Variants in LEMD3 observed in about 807,000 individuals in gnomAD.
LEMD3 encodes inner nuclear membrane protein Man1.
LEMD3 carries 33 observed loss-of-function variants against 95.2 expected under a neutral mutation model. The ratio of observed to expected loss-of-function variants is 0.35; its 90% CI spans 0.26 to 0.46. The LOEUF (loss-of-function observed/expected upper bound fraction) is 0.46, where lower values mean the gene tolerates loss of function less well. Ranked by LOEUF, LEMD3 falls within the 20% of genes least tolerant of loss-of-function variation. The probability of loss-of-function intolerance (pLI) is 1.00; values close to 1 mark genes in which losing one functional copy is unlikely to be tolerated. For synonymous variants in LEMD3, 525 were observed against 474.6 expected (o/e 1.11, Z -1.38); for missense variants, 1,210 against 1,192.8 (o/e 1.01, Z -0.21).
Position 65,245,835 on chromosome 12 carries a change from ATTTT to A in LEMD3, c.2494-25_2494-22del, listed in dbSNP as rs3217456. 0.3 allele frequency: 473,967 copies of A among 1,602,488 alleles called. 74,064 individuals carry two copies. The highest frequency in any genetic ancestry group is 0.38 in the Admixed American group (22,540 of 59,944). ...GATTTGTTGCTATTAAACTAAGACT[ATTTT>A]CTTTCTTTTTTAATATCACAGGGTT... is the stretch of plus-strand genomic sequence containing the variant. On this transcript the variant is annotated intron_variant, in intron 11 of 12. Transcript: ENST00000308330.
At chr12:65,186,953 T>C (rs1869086508) in intron 1 of LEMD3, among the ~76,000 whole-genome samples, 1 of 152,038 alleles carries the variant, frequency 6.6e-6, no homozygotes, top group South Asian at 2.1e-4. Flanking sequence ...TATAAATAAG[T>C]TACTTATGCT....
At chr12:65,217,637 T>C (rs1870149417) in intron 3 of LEMD3, among the ~76,000 whole-genome samples, 1 of 152,184 alleles carries the variant, frequency 6.6e-6, no homozygotes. Flanking sequence ...ATGAGGATAA[T>C]TTATTTCTAA....
At chr12:65,189,704 A>C (rs1869178722) in intron 1 of LEMD3, among the ~76,000 whole-genome samples, 1 of 152,220 alleles carries the variant, frequency 6.6e-6, no homozygotes, top group African/African-American at 2.4e-5. Context: ...ATTTGTTTGC[A>C]AAATAGGTCT....
At chr12:65,220,949 C>T (rs2136342529) in intron 4 of LEMD3, among the ~76,000 whole-genome samples, 1 of 152,224 alleles carries the variant, frequency 6.6e-6, no homozygotes, top group East Asian at 1.9e-4. Context: ...TATGCTAGTA[C>T]TATACTGTTT....
intron 4 of LEMD3, among the ~76,000 whole-genome samples, chr12:65,221,665 A>G (rs922528935): frequency 6.6e-5 from 10 of 151,000 alleles, no homozygotes; most frequent in Non-Finnish European, 1.5e-5. Flanking sequence ...TAGGATGTCT[A>G]GTGCTATGAG....
rs764652307 is a variant in LEMD3 at position 65,241,026 on chromosome 12, C to T, written c.2244C>T (p.Ile748=). 1.9e-6 allele frequency: 3 copies of T among 1,613,930 alleles called. No homozygotes were observed. The highest frequency in any genetic ancestry group is 2.5e-6 in the Non-Finnish European group (3 of 1,179,876). ...CAGATTTTCTGGTTTGGCGGTGGAT[C>T]CAGCCTTCTGCATCCTGTGACAAAA... ...GGADFLVWRW[I]QPSASCDKIL... Residue 748 remains isoleucine (I), a synonymous_variant, in exon 9 of 13, where the codon ATC becomes ATT. Coordinates refer to ENST00000308330, the MANE Select transcript of LEMD3 (RefSeq NM_014319.5).
At chr12:65,185,828 CTA>C (rs780525093) in intron 1 of LEMD3, among the ~76,000 whole-genome samples, 86 of 152,012 alleles carry the variant, frequency 5.7e-4, no homozygotes, top group Admixed American at 2.2e-3. Context: ...AACTCAGATT[CTA>C]TTAATATCTT....
intron 10 of LEMD3, 43 bp from the exon 11 acceptor site, chr12:65,245,626 A>G: frequency 7.5e-7 from 1 of 1,339,940 alleles, no homozygotes; most frequent in Non-Finnish European, 1.1e-6. Flanking sequence ...ATTTTTACCG[A>G]GTAGGAATAT....
At chr12:65,210,482 A>G (rs1431035414) in intron 1 of LEMD3, among the ~76,000 whole-genome samples, 3 of 152,184 alleles carry the variant, frequency 2.0e-5, no homozygotes, top group Non-Finnish European at 4.4e-5. Context: ...TATTGAGTAC[A>G]TATTAAGTGC....
chr12:65,195,802 C>T (rs996786846), intron 1 of LEMD3, among the ~76,000 whole-genome samples: 13 of 152,148 alleles, frequency 8.5e-5, no homozygotes, highest in Non-Finnish European at 1.3e-4. Context: ...CCTTCTCTCT[C>T]TGGTGCAGAG....
Position 65,170,215 on chromosome 12 carries a change from C to A in LEMD3, c.619C>A (p.Leu207Met). Residue 207 changes from leucine to methionine, a missense_variant, in exon 1 of 13, where the codon CTG becomes ATG. Leu to Met is a conservative substitution (Grantham distance 15). Coordinates refer to ENST00000308330, the MANE Select transcript of LEMD3 (RefSeq NM_014319.5). Reference sequence around the variant, plus strand: ...GGCCAGGAGGCCGGCGGGCCCCGAGCTGCAGACCCCGCCGGGGAAAGATGG... The same window carrying A: ...GGCCAGGAGGCCGGCGGGCCCCGAGATGCAGACCCCGCCGGGGAAAGATGG... ...WGARRPAGPE[L>M]QTPPGKDGAV... The A allele has an allele frequency of 6.6e-7, 1 of 1,504,486 alleles. No individual in the cohort carries two copies. The highest frequency in any genetic ancestry group is 1.3e-5 in the South Asian group (1 of 75,972). The allele number at this position is 1,504,486 out of a possible 1,614,324, so 93.2% of individuals were successfully genotyped here.
chr12:65,210,098 A>T (rs1869891812), intron 1 of LEMD3, among the ~76,000 whole-genome samples: 1 of 147,718 alleles, frequency 6.8e-6, no homozygotes, highest in Non-Finnish European at 1.5e-5. Context: ...ATTCAGCCGT[A>T]AACATTTTTG....
rs998769560 is a variant in LEMD3 at position 65,184,505 on chromosome 12, G to A, written c.1522+13387G>A. Among the ~76,000 whole-genome samples, 21 of 152,138 alleles carry A rather than the reference G, an allele frequency of 1.4e-4. 1 individual carries two copies. Among genetic ancestry groups the A allele is most frequent in the Admixed American group, 1.2e-3 (19 of 15,266 alleles). ...AAAGTAAGTTTATTTTTGGCTTTTAGTGTTTTCTCTTATACTTTTTCATCT... is the reference window on the plus strand; with the variant it reads ...AAAGTAAGTTTATTTTTGGCTTTTAATGTTTTCTCTTATACTTTTTCATCT... On this transcript the variant is annotated intron_variant, in intron 1 of 12. Coordinates refer to ENST00000308330, the MANE Select transcript of LEMD3 (RefSeq NM_014319.5).
At chr12:65,222,421 C>CA (rs1210199968) in intron 4 of LEMD3, among the ~76,000 whole-genome samples, 1 of 152,064 alleles carries the variant, frequency 6.6e-6, no homozygotes, top group African/African-American at 2.4e-5. Context: ...TCTTTGGTGT[C>CA]AGAGTAATGC....
chr12:65,184,542 G>A (rs567718980), intron 1 of LEMD3, among the ~76,000 whole-genome samples: 1 of 152,168 alleles, frequency 6.6e-6, no homozygotes, highest in East Asian at 1.9e-4. Flanking sequence ...TTTAATTTCT[G>A]TTTTCCAACT....
rs116271335 is a variant in LEMD3, at chr12:65,218,857, C to T, written c.1695+238C>T. Among the ~76,000 whole-genome samples, 614 of 146,872 alleles carry T rather than the reference C, an allele frequency of 4.2e-3. 6 individuals carry two copies. Among genetic ancestry groups the T allele is most frequent in the African/African-American group, 0.015 (589 of 39,564 alleles). On this transcript the variant is annotated intron_variant, in intron 4 of 12. Coordinates refer to ENST00000308330, the MANE Select transcript of LEMD3 (RefSeq NM_014319.5). ...CAGGCTGGAGTGCAATGGCTGATCT[C>T]GACTCACTGCAACGTTCGCAACCGG...
At chr12:65,185,485 T>C (rs1178965041) in intron 1 of LEMD3, among the ~76,000 whole-genome samples, 1 of 152,060 alleles carries the variant, frequency 6.6e-6, no homozygotes, top group Non-Finnish European at 1.5e-5. Context: ...TTTTCAATGG[T>C]ATTTCAATAC....
intron 2 of LEMD3, among the ~76,000 whole-genome samples, chr12:65,214,069 T>A (rs1333116984): frequency 6.6e-6 from 1 of 152,168 alleles, no homozygotes; most frequent in Non-Finnish European, 1.5e-5. Context: ...TCAGCCCTGC[T>A]CTTACTTTTT....
At position 65,170,695 on chromosome 12, in the gene LEMD3, C is replaced by T. The variant is rs139507581; in HGVS notation, c.1099C>T (p.Leu367Phe). The T allele has an allele frequency of 1.7e-4, 271 of 1,614,122 alleles. 1 individual carries two copies. The highest frequency in any genetic ancestry group is 2.2e-4 in the Non-Finnish European group (254 of 1,180,046). Residue 367 changes from leucine (L) to phenylalanine (F), a missense_variant, in exon 1 of 13, where the codon CTC becomes TTC. This residue lies in a region of LEMD3 where 749 missense variants were observed against 622.9 expected (regional missense o/e 1.20). Transcript: ENST00000308330. ...TGTTAACGCTAAGAAACTGACCCCT[C>T]TCCTGCCCCCGCCACTTACTGACAT... is the stretch of plus-strand genomic sequence containing the variant. Reference protein sequence around the residue: ...YRVNAKKLTPLLPPPLTDMDS... With the variant: ...YRVNAKKLTPFLPPPLTDMDS...
Sources: gnomAD v4.1 joint callset for allele counts (sites outside exome capture counted in the v4.1 genomes callset) on GRCh38, gnomAD v4.1.1 for gene constraint, gnomAD v4.1.1 regional missense constraint, MANE v1.5 for transcripts, NCBI Gene and HGNC (gene_info 2026-07-23, HGNC 2026-07-21) for gene names.